The following EXOC2 variants were observed in gnomAD, a reference collection of about 807,000 sequenced individuals.
EXOC2 encodes the protein exocyst complex component 2, also known as SEC5-like 1.
A neutral mutation model predicts 131.8 loss-of-function variants in EXOC2; 70 were observed. That is an observed-to-expected ratio of 0.53 (90% confidence interval 0.44 to 0.65). EXOC2 has a LOEUF of 0.65. Among genes scored for constraint, EXOC2 ranks in the 30% least tolerant of loss-of-function variants. The pLI is 0.00. For synonymous variants in EXOC2, 411 were observed against 398.4 expected, an observed-to-expected ratio of 1.03 and a Z score of -0.38; for missense variants, 923 against 1,108.6, an observed-to-expected ratio of 0.83 and a Z score of 2.38.
At chr6:518,859 C>G (rs2493016) in intron 23 of EXOC2, among the ~76,000 whole-genome samples, 1 of 152,140 alleles carries the variant, frequency 6.6e-6, no homozygotes, top group Admixed American at 6.5e-5. Flanking sequence ...CTCCAAACTT[C>G]GTAAATGTAA....
chr6:584,789 T>G (rs536895136), intron 11 of EXOC2, among the ~76,000 whole-genome samples: 18 of 152,384 alleles, frequency 1.2e-4, no homozygotes, highest in South Asian at 4.1e-4. Flanking sequence ...TGATGTCCTT[T>G]TAGAAGTTCT....
chr6:592,631 C>T, intron 10 of EXOC2, 44 bp from the exon 11 acceptor site: 1 of 1,453,798 alleles, frequency 6.9e-7, no homozygotes, highest in Non-Finnish European at 9.6e-7. Context: ...GAAATGCTGG[C>T]ATATTTTAAA....
intron 1 of EXOC2, among the ~76,000 whole-genome samples, chr6:683,677 C>G (rs1168836927): frequency 6.6e-6 from 1 of 152,188 alleles, no homozygotes; most frequent in Non-Finnish European, 1.5e-5. Context: ...ATTAATTTGA[C>G]CCAAATTTTG....
chr6:690,957 T>A (rs912393816), intron 1 of EXOC2, among the ~76,000 whole-genome samples: 1 of 152,146 alleles, frequency 6.6e-6, no homozygotes, highest in Admixed American at 6.5e-5. Flanking sequence ...CAAAATCCTC[T>A]CAACAGTGAC....
At chr6:688,333 C>T (rs993868134) in intron 1 of EXOC2, among the ~76,000 whole-genome samples, 7 of 122,668 alleles carry the variant, frequency 5.7e-5, no homozygotes, top group African/African-American at 1.8e-4. Context: ...GATCTGGATA[C>T]TGTGATTTTC....
intron 3 of EXOC2, among the ~76,000 whole-genome samples, chr6:631,430 G>A (rs1362550338): frequency 6.6e-6 from 1 of 151,996 alleles, no homozygotes; most frequent in African/African-American, 2.4e-5. Flanking sequence ...CCCGGCTACT[G>A]CAGAGGCTGA....
intron 1 of EXOC2, among the ~76,000 whole-genome samples, chr6:667,888 TCCATCC>T (rs1390547596): frequency 6.6e-6 from 1 of 151,802 alleles, no homozygotes; most frequent in Non-Finnish European, 1.5e-5. Flanking sequence ...CATCCATCCA[TCCATCC>T]ATCCATCCAT....
At chr6:508,761 G>A (rs772300160) in intron 23 of EXOC2, among the ~76,000 whole-genome samples, 1 of 152,242 alleles carries the variant, frequency 6.6e-6, no homozygotes, top group Non-Finnish European at 1.5e-5. Flanking sequence ...TTGTGTGGAT[G>A]TAACTTTTCC....
intron 22 of EXOC2, among the ~76,000 whole-genome samples, chr6:536,924 A>G (rs1766475659): frequency 6.6e-6 from 1 of 152,262 alleles, no homozygotes; most frequent in South Asian, 2.1e-4. Context: ...GGACTTATTT[A>G]GAGCCTTCTA....
rs1764543063 is a variant in EXOC2 at position 506,474 on chromosome 6, T to A, written c.2381-6774A>T. ...CTTGGAGTTAAAGGCTACATTATTA[T>A]GCTGCAGTAATAAGTACTGTTTTTA... On this transcript the variant is annotated intron_variant, in intron 23 of 27. Transcript: ENST00000230449. This position sits in a 1 kb window ranked among gnomAD's most constrained non-coding sequence, Gnocchi z 4.4. 6.6e-6 allele frequency among the ~76,000 whole-genome samples: 1 copy of A among 152,220 alleles called. No individual in the cohort carries two copies. Among genetic ancestry groups the A allele is most frequent in the Non-Finnish European group, 1.5e-5 (1 of 68,030 alleles).
At chr6:486,851 T>A in intron 27 of EXOC2, 87 bp from the exon 28 acceptor site, 1 of 1,000,518 alleles carries the variant, frequency 1.0e-6, no homozygotes, top group Non-Finnish European at 1.6e-6. Context: ...AGTGCCCGGC[T>A]CTGCCTGGGC....
chr6:572,405 C>T (rs747852021), intron 13 of EXOC2, 115 bp downstream of exon 13: 41 of 1,304,296 alleles, frequency 3.1e-5, no homozygotes, highest in African/African-American at 5.9e-5. Flanking sequence ...TAAACTATGA[C>T]GATGGCTAGA....
intron 1 of EXOC2, among the ~76,000 whole-genome samples, chr6:646,214 T>G (rs994246289): frequency 2.6e-5 from 4 of 152,192 alleles, no homozygotes; most frequent in African/African-American, 9.6e-5. Context: ...GTAACTGTAT[T>G]ATAATATAAG....
At chr6:677,934 T>TCTCACA (rs111239666) in intron 1 of EXOC2, among the ~76,000 whole-genome samples, 50,822 of 147,052 alleles carry the variant, frequency 0.35, 9,287 homozygotes, top group East Asian at 0.56. Context: ...TTATAATCTC[T>TCTCACA]CACACACACA....
chr6:641,447 G>C (rs958367435), intron 1 of EXOC2, among the ~76,000 whole-genome samples: 1 of 152,164 alleles, frequency 6.6e-6, no homozygotes, highest in African/African-American at 2.4e-5. Flanking sequence ...ATTCCAGAAA[G>C]ACCATGGGAT....
rs556686096 is a variant in EXOC2, at chr6:585,208, A to G, written c.1192+7261T>C. On this transcript the variant is annotated intron_variant, in intron 11 of 27. Transcript: ENST00000230449. The stretch of plus-strand genomic sequence containing the variant: ...TTCCATCAGTATTTAGAAGGTTTCA[A>G]GATGAGTTTTTAAAATATTAACCTT... Among the ~76,000 whole-genome samples, 57 of 152,352 alleles carry G rather than the reference A, an allele frequency of 3.7e-4. 1 individual carries two copies. Among genetic ancestry groups the G allele is most frequent in the Non-Finnish European group, 7.8e-4 (53 of 68,034 alleles).
At chr6:645,800 CA>C (rs1762554978) in intron 1 of EXOC2, among the ~76,000 whole-genome samples, 1 of 152,068 alleles carries the variant, frequency 6.6e-6, no homozygotes. Flanking sequence ...TACCATTTTT[CA>C]ATGAAAGGAA....
In EXOC2 at chr6:610,130, G is replaced by A; in HGVS notation, c.710C>T (p.Ser237Phe). Residue 237 changes from serine (S) to phenylalanine (F), a missense_variant, in exon 7 of 28, where the codon TCC (serine) becomes TTC (phenylalanine). Transcript: ENST00000230449. Reference sequence around the variant, plus strand: ...AACATTCTCCAGTTTCTGCGTCATGGATCCTTCTACTTTTTCCGTTCCATC... The same window carrying A: ...AACATTCTCCAGTTTCTGCGTCATGAATCCTTCTACTTTTTCCGTTCCATC... Reference protein sequence around the residue: ...EADGTEKVEGSMTQKLENVLN... With the variant: ...EADGTEKVEGFMTQKLENVLN... The A allele has an allele frequency of 6.2e-7, 1 of 1,613,950 alleles. No homozygotes were observed. Among genetic ancestry groups the A allele is most frequent in the Non-Finnish European group, 8.5e-7 (1 of 1,179,960 alleles).
chr6:574,228 T>C (rs571066588), intron 12 of EXOC2, among the ~76,000 whole-genome samples: 9 of 152,214 alleles, frequency 5.9e-5, no homozygotes, highest in East Asian at 3.8e-4. Flanking sequence ...AGTGAAAGCA[T>C]AGAAAACGTC....
Sources: allele counts gnomAD v4.1 joint callset (sites outside exome capture counted in the v4.1 genomes callset), GRCh38; gene constraint gnomAD v4.1.1; non-coding constraint Gnocchi (gnomAD v3.1); transcripts MANE v1.5; gene names NCBI Gene and HGNC (gene_info 2026-07-23, HGNC 2026-07-21).